Variants in DMKN observed in about 807,000 individuals in gnomAD.
DMKN encodes dermokine.
Under a neutral mutation model 67.6 loss-of-function variants are expected in DMKN, and 58 were observed. That is an observed-to-expected ratio of 0.86 (90% confidence interval 0.69 to 1.07). The LOEUF (loss-of-function observed/expected upper bound fraction) is 1.07, where lower values mean the gene tolerates loss of function less well. Ranked by LOEUF, DMKN falls within the 50% of genes least tolerant of loss-of-function variation. The pLI is 0.00. For synonymous variants in DMKN, 240 were observed against 232.3 expected (o/e 1.03, Z -0.30); for missense variants, 596 against 601.5 (o/e 0.99, Z 0.10).
chr19:35,505,235 G>A (rs2069226783), intron 9 of DMKN, among the ~76,000 whole-genome samples: 1 of 152,076 alleles, frequency 6.6e-6, no homozygotes, highest in African/African-American at 2.4e-5. Context: ...TAGGCAGGGA[G>A]GAAGGAGGGA....
At chr19:35,511,261 G>T in intron 5 of DMKN, 150 bp downstream of exon 5, 1 of 1,406,642 alleles carries the variant, frequency 7.1e-7, no homozygotes. Flanking sequence ...GTGGGGAACA[G>T]GAGGCTGAGG....
chr19:35,512,680 G>A lies in DMKN; in HGVS notation c.537C>T (p.Asn179=). The change falls in exon 2 of 16, where the codon AAC becomes AAT. Residue 179 remains asparagine (N), a synonymous_variant. Coordinates refer to ENST00000339686, the MANE Select transcript of DMKN (RefSeq NM_033317.5). ...GATTCATTCCAAAGCTGCCTGCTGA[G>A]TTTCCGGGGTATCCGTGGACCCACG... ...GTPWVHGYPG[N]SAGSFGMNPQ... 1 of 1,614,224 alleles carries A rather than the reference G, an allele frequency of 6.2e-7. No homozygotes were observed. Among genetic ancestry groups the A allele is most frequent in the South Asian group, 1.1e-5 (1 of 91,084 alleles).
rs1458961636 is a variant in DMKN, at chr19:35,511,827, G to C, written c.685-14C>G. ...GGGATTCGTGCACTGTCGAGGGAAA[G>C]GGATGGTGAGTTTGGGGACGGTGAG... On this transcript the variant is annotated splice_polypyrimidine_tract_variant and intron_variant, in intron 3 of 15. Transcript: ENST00000339686. The C allele has an allele frequency of 1.2e-6, 2 of 1,610,268 alleles. No individual in the cohort carries two copies. Among genetic ancestry groups the C allele is most frequent in the Non-Finnish European group, 1.7e-6 (2 of 1,177,892 alleles).
chr19:35,502,182 T>C lies in DMKN; in HGVS notation c.1193A>G (p.Asp398Gly), dbSNP rs1469936119. 2 of 1,613,894 alleles carry C rather than the reference T, an allele frequency of 1.2e-6. No homozygotes were observed. The highest frequency in any genetic ancestry group is 1.7e-6 in the Non-Finnish European group (2 of 1,180,004). Residue 398 changes from aspartate (D) to glycine (G), a missense_variant and splice_region_variant, in exon 11 of 16, where the codon GAT becomes GGT. By Grantham distance (94) the Asp-to-Gly change is moderately conservative. Transcript: ENST00000339686. ...GAGGAAAGGAGTGTTCTGTTTGAAA[T>C]CCTGCAGGGAGAAGGAGGGCAGAGT... ...ALLYFSRLWE[D>G]FKQNTPFLNW...
intron 15 of DMKN, chr19:35,497,947 C>G (rs1455045205): frequency 6.6e-6 from 1 of 151,984 alleles, no homozygotes; most frequent in Non-Finnish European, 1.5e-5. Flanking sequence ...CCCTCTTTCT[C>G]TCTCTCTCTC....
At chr19:35,500,238 C>T in intron 12 of DMKN, 1 of 1,305,124 alleles carries the variant, frequency 7.7e-7, no homozygotes, top group Non-Finnish European at 1.1e-6. Context: ...GCCCAAATGG[C>T]CGCCGCCTCC....
intron 9 of DMKN, chr19:35,503,267 AAC>A (rs1229666420): frequency 6.8e-7 from 1 of 1,478,216 alleles, no homozygotes; most frequent in Non-Finnish European, 9.0e-7. Context: ...CACCCTGGAT[AAC>A]AGCGGAGACG....
At chr19:35,499,600 A>G (rs1266351578) in intron 13 of DMKN, among the ~76,000 whole-genome samples, 2 of 152,156 alleles carry the variant, frequency 1.3e-5, no homozygotes, top group Non-Finnish European at 2.9e-5. Flanking sequence ...AAAGGTCCAC[A>G]GAGAGGGAAC....
chr19:35,502,573 A>G (rs930280969), intron 10 of DMKN, among the ~76,000 whole-genome samples: 4 of 151,998 alleles, frequency 2.6e-5, no homozygotes, highest in Middle Eastern at 3.4e-3. Flanking sequence ...GCACGGTGGC[A>G]GGCGCCTGTA....
intron 9 of DMKN, chr19:35,503,478 T>TG: frequency 6.6e-7 from 1 of 1,503,898 alleles, no homozygotes; most frequent in Non-Finnish European, 9.0e-7. Flanking sequence ...TTTTTTGTTT[T>TG]TTTTTTTTTT....
chr19:35,511,343 G>C lies in DMKN; in HGVS notation c.918+68C>G, dbSNP rs1436951720. The C allele has an allele frequency of 1.9e-6, 3 of 1,594,282 alleles. No individual in the cohort carries two copies. In the African/African-American group the frequency reaches 4.0e-5, roughly 21 times the overall value. On this transcript the variant is annotated intron_variant, in intron 5 of 15. Coordinates refer to ENST00000339686, the MANE Select transcript of DMKN (RefSeq NM_033317.5). Reference sequence around the variant, plus strand: ...GCGGCAGCTTTCAGAGAAACTTGGAGCCCTCTCCCGGCAGGGACCACTAGG... The same window carrying C: ...GCGGCAGCTTTCAGAGAAACTTGGACCCCTCTCCCGGCAGGGACCACTAGG...
At chr19:35,500,060 C>G in intron 12 of DMKN, 31 bp from the exon 13 acceptor site, 1 of 1,613,494 alleles carries the variant, frequency 6.2e-7, no homozygotes. Flanking sequence ...GCGGTTAGAA[C>G]AGACGGACGA....
At chr19:35,500,627 G>T in intron 11 of DMKN, 47 bp from the exon 12 acceptor site, 1 of 1,568,358 alleles carries the variant, frequency 6.4e-7, no homozygotes, top group South Asian at 1.2e-5. Flanking sequence ...AGTCGTGCGG[G>T]CATTGCCGGG....
chr19:35,512,679 A>G lies in DMKN; in HGVS notation c.538T>C (p.Ser180Pro). 6.2e-7 allele frequency: 1 copy of G among 1,614,156 alleles called. No individual in the cohort carries two copies. Among genetic ancestry groups the G allele is most frequent in the Non-Finnish European group, 8.5e-7 (1 of 1,180,036 alleles). ...TPWVHGYPGN[S>P]AGSFGMNPQG... ...GGATTCATTCCAAAGCTGCCTGCTG[A>G]GTTTCCGGGGTATCCGTGGACCCAC... Residue 180 changes from serine to proline, a missense_variant, in exon 2 of 16, where the codon TCA (serine) becomes CCA (proline). Ser to Pro is a moderately conservative substitution (Grantham distance 74, BLOSUM62 -1). Transcript: ENST00000339686.
At chr19:35,512,964 C>T in intron 1 of DMKN, 86 bp downstream of exon 1, 2 of 1,572,282 alleles carry the variant, frequency 1.3e-6, no homozygotes, top group South Asian at 1.2e-5. Context: ...GTAAGAGATC[C>T]ATCCATCCTT....
chr19:35,502,280 G>A, intron 10 of DMKN, 97 bp from the exon 11 acceptor site: 2 of 1,248,532 alleles, frequency 1.6e-6, no homozygotes, highest in Non-Finnish European at 2.3e-6. Context: ...GGGTAGGAAG[G>A]AGCTTTTGGG....
rs148011601 is a variant in DMKN, at chr19:35,500,625, G to A, written c.1240-45C>T. 1.7e-3 allele frequency: 2,648 copies of A among 1,569,050 alleles called. 11 individuals carry two copies. The highest frequency in any genetic ancestry group is 8.8e-3 in the Middle Eastern group (40 of 4,556). On this transcript the variant is annotated intron_variant, in intron 11 of 15. Coordinates refer to ENST00000339686, the MANE Select transcript of DMKN (RefSeq NM_033317.5). ...ACAGTTCGTGCCTCCGCAGTCGTGC[G>A]GGCATTGCCGGGCTTTCAGAGCCCC...
chr19:35,503,643 T>A (rs2068863266), intron 9 of DMKN, among the ~76,000 whole-genome samples: 1 of 152,016 alleles, frequency 6.6e-6, no homozygotes, highest in African/African-American at 2.4e-5. Context: ...GCCTGGCTAA[T>A]TTTTGTATTT....
chr19:35,508,016 C>T (rs2069931676), intron 7 of DMKN: 4 of 688,644 alleles, frequency 5.8e-6, no homozygotes, highest in Middle Eastern at 3.6e-4. Context: ...AGGTGGGCTC[C>T]TCTGGAGTCC....
Sources: allele counts gnomAD v4.1 joint callset (sites outside exome capture counted in the v4.1 genomes callset), GRCh38; gene constraint gnomAD v4.1.1; transcripts MANE v1.5; gene names NCBI Gene and HGNC (gene_info 2026-07-23, HGNC 2026-07-21).